Variants in ZNF827 observed in about 807,000 individuals in gnomAD.
The protein encoded by ZNF827 is zinc finger protein 827.
ZNF827 carries 13 observed loss-of-function variants against 102.4 expected under a neutral mutation model. The observed-to-expected ratio is 0.13, with a 90% CI of 0.08 to 0.20. The LOEUF is 0.20. Among genes scored for constraint, ZNF827 ranks in the 10% least tolerant of loss-of-function variants. ZNF827 has a pLI of 1.00. For synonymous variants in ZNF827, 523 were observed against 536.2 expected (o/e 0.98, Z 0.34); for missense variants, 1,103 against 1,344.4 (o/e 0.82, Z 2.81).
At chr4:145,843,382 T>C (rs1057054266) in intron 7 of ZNF827, among the ~76,000 whole-genome samples, 4 of 152,104 alleles carry the variant, frequency 2.6e-5, no homozygotes, top group Non-Finnish European at 5.9e-5. Context: ...TTACTCATAA[T>C]CTCCCAGAAA....
At chr4:145,880,106 G>T (rs1004732295) in intron 4 of ZNF827, among the ~76,000 whole-genome samples, 6 of 152,154 alleles carry the variant, frequency 3.9e-5, no homozygotes, top group Non-Finnish European at 8.8e-5. Flanking sequence ...ATGGTGGCAG[G>T]TACCTTTAGT....
At chr4:145,832,945 G>A (rs1353601027) in intron 7 of ZNF827, 1 of 152,858 alleles carries the variant, frequency 6.5e-6, no homozygotes, top group Non-Finnish European at 1.5e-5. Context: ...GCACCCAGGT[G>A]AAATAAACAA....
intron 4 of ZNF827, among the ~76,000 whole-genome samples, chr4:145,880,688 A>G (rs902811954): frequency 6.6e-6 from 1 of 152,248 alleles, no homozygotes; most frequent in African/African-American, 2.4e-5. Flanking sequence ...CCCTAAATGC[A>G]GCTGCTCACA....
At chr4:145,914,906 C>T (rs541018016) in intron 1 of ZNF827, among the ~76,000 whole-genome samples, 17 of 152,232 alleles carry the variant, frequency 1.1e-4, no homozygotes, top group Non-Finnish European at 2.4e-4. Flanking sequence ...AGCAGGGATG[C>T]TCCAGAGGAG....
At chr4:145,811,821 A>C (rs1411988380) in intron 8 of ZNF827, among the ~76,000 whole-genome samples, 1 of 152,178 alleles carries the variant, frequency 6.6e-6, no homozygotes, top group Non-Finnish European at 1.5e-5. Context: ...TCGCTAAAAT[A>C]ATTTATACTT....
chr4:145,821,815 G>C (rs2126481792), intron 8 of ZNF827, among the ~76,000 whole-genome samples: 1 of 152,248 alleles, frequency 6.6e-6, no homozygotes, highest in African/African-American at 2.4e-5. Flanking sequence ...CCGATGCACA[G>C]TTAAGCATAT....
chr4:145,909,638 G>A (rs1464995084), intron 1 of ZNF827, among the ~76,000 whole-genome samples: 1 of 152,224 alleles, frequency 6.6e-6, no homozygotes, highest in South Asian at 2.1e-4. Flanking sequence ...AGAAAGGAGA[G>A]GGAAGAGGTA....
At chr4:145,883,449 T>G (rs1248259470) in intron 4 of ZNF827, among the ~76,000 whole-genome samples, 1 of 152,202 alleles carries the variant, frequency 6.6e-6, no homozygotes, top group Non-Finnish European at 1.5e-5. Flanking sequence ...TGCGCAATTC[T>G]TCCCCCCAAC....
At chr4:145,875,663 T>C (rs923993195) in intron 4 of ZNF827, among the ~76,000 whole-genome samples, 1 of 152,198 alleles carries the variant, frequency 6.6e-6, no homozygotes, top group Non-Finnish European at 1.5e-5. Context: ...CACCTTTTCT[T>C]GAGCTTAATA....
chr4:145,761,682 T>A lies in ZNF827; in HGVS notation c.*18-84A>T. On this transcript the variant is annotated intron_variant, in intron 14 of 14. Coordinates refer to ENST00000508784, the MANE Select transcript of ZNF827 (RefSeq NM_001306215.2). This position sits in a 1 kb window ranked among gnomAD's most constrained non-coding sequence, Gnocchi z 6.8. ...TTCTCGCCGCCTCACCAGCCTTCCC[T>A]CACACCACCCCCCAGTGTCTGAGGC... 1 of 845,350 alleles carries A rather than the reference T, an allele frequency of 1.2e-6. No homozygotes were observed. Among genetic ancestry groups the A allele is most frequent in the Non-Finnish European group, 1.6e-6 (1 of 614,212 alleles). The allele number at this position is 845,350 out of a possible 1,614,324, so 52.4% of individuals were successfully genotyped here.
intron 1 of ZNF827, among the ~76,000 whole-genome samples, chr4:145,936,602 G>A (rs1211717701): frequency 3.3e-5 from 5 of 152,170 alleles, no homozygotes. Context: ...TGACACGGAG[G>A]CGCGGGGGCG....
chr4:145,787,937 C>G (rs1222790967), intron 8 of ZNF827, among the ~76,000 whole-genome samples: 1 of 152,104 alleles, frequency 6.6e-6, no homozygotes, highest in African/African-American at 2.4e-5. Flanking sequence ...AACCCAAGAT[C>G]AAGGAGGAAT....
At chr4:145,873,499 C>T (rs1019141891) in intron 4 of ZNF827, among the ~76,000 whole-genome samples, 5 of 152,164 alleles carry the variant, frequency 3.3e-5, no homozygotes, top group African/African-American at 9.7e-5. Flanking sequence ...GCCTTTCTAC[C>T]TAGACCACAG....
At chr4:145,837,135 C>T (rs1744926323) in intron 7 of ZNF827, among the ~76,000 whole-genome samples, 2 of 152,208 alleles carry the variant, frequency 1.3e-5, no homozygotes, top group Non-Finnish European at 2.9e-5. Flanking sequence ...CTTCCCACCT[C>T]AATACAGTCT....
rs552768097 is a variant in ZNF827 at position 145,938,803 on chromosome 4, C to A, written c.-396G>T. On this transcript the variant is annotated 5_prime_UTR_variant, in exon 1 of 15. Transcript: ENST00000508784. ...TGTCTATGGCCGCGCTCTGTGTCTC[C>A]GAGCCCCTAACACTAATGTCGGGAT... Among the ~76,000 whole-genome samples the A allele has an allele frequency of 1.3e-5, 2 of 151,904 alleles. No homozygotes were observed. Among genetic ancestry groups the A allele is most frequent in the South Asian group, 4.2e-4 (2 of 4,800 alleles).
chr4:145,822,718 T>C (rs1425748489), intron 8 of ZNF827, among the ~76,000 whole-genome samples: 1 of 151,810 alleles, frequency 6.6e-6, no homozygotes, highest in African/African-American at 2.4e-5. Flanking sequence ...TGAACTAGAG[T>C]GCAGCGGTTC....
chr4:145,811,724 T>C (rs1742027558), intron 8 of ZNF827, among the ~76,000 whole-genome samples: 1 of 152,234 alleles, frequency 6.6e-6, no homozygotes, highest in African/African-American at 2.4e-5. Context: ...AATTTAAATC[T>C]GTCTCATACA....
At chr4:145,887,088 A>G (rs1750177523) in intron 3 of ZNF827, among the ~76,000 whole-genome samples, 1 of 152,246 alleles carries the variant, frequency 6.6e-6, no homozygotes, top group Admixed American at 6.5e-5. Flanking sequence ...CTGCTATTTC[A>G]GGACTGGTCC....
chr4:145,784,400 A>G (rs1157969318), intron 8 of ZNF827, among the ~76,000 whole-genome samples: 3 of 152,170 alleles, frequency 2.0e-5, no homozygotes, highest in East Asian at 1.9e-4. Flanking sequence ...GGCTCCTCCT[A>G]TGGTTCCTCT....
Sources: gnomAD v4.1 joint callset for allele counts (sites outside exome capture counted in the v4.1 genomes callset) on GRCh38, gnomAD v4.1.1 for gene constraint, Gnocchi (gnomAD v3.1) non-coding constraint, MANE v1.5 for transcripts, NCBI Gene and HGNC (gene_info 2026-07-23, HGNC 2026-07-21) for gene names.